Variants in TMPRSS11A observed in about 807,000 individuals in gnomAD.
TMPRSS11A encodes the protein transmembrane serine protease 11A.
TMPRSS11A carries 53 observed loss-of-function variants against 58.9 expected under a neutral mutation model. The observed-to-expected ratio is 0.90, with a 90% confidence interval of 0.72 to 1.13. TMPRSS11A has a LOEUF of 1.13. Among genes scored for constraint, TMPRSS11A ranks in the 50% most tolerant of loss-of-function variants. TMPRSS11A has a pLI of 0.00. For synonymous variants in TMPRSS11A, 167 were observed against 169.8 expected (o/e 0.98, Z 0.13); for missense variants, 493 against 499.3 (o/e 0.99, Z 0.12).
At chr4:67,944,709 C>G (rs1284090037) in intron 2 of TMPRSS11A, 72 bp from the exon 3 acceptor site, 1 of 1,271,296 alleles carries the variant, frequency 7.9e-7, no homozygotes, top group African/African-American at 1.5e-5. Context: ...ACAATGGGGC[C>G]AATATAAATC....
intron 1 of TMPRSS11A, among the ~76,000 whole-genome samples, chr4:67,952,539 A>T (rs113406579): frequency 6.6e-6 from 1 of 152,138 alleles, no homozygotes; most frequent in African/African-American, 2.4e-5. Flanking sequence ...TTAAATTCTT[A>T]CATACTTTGA....
At chr4:67,951,533 C>CAT (rs1721161924) in intron 1 of TMPRSS11A, among the ~76,000 whole-genome samples, 1 of 152,050 alleles carries the variant, frequency 6.6e-6, no homozygotes, top group African/African-American at 2.4e-5. Context: ...CCAAGATCAA[C>CAT]CACATGCTTT....
intron 1 of TMPRSS11A, among the ~76,000 whole-genome samples, chr4:67,959,602 C>A (rs1721374776): frequency 1.3e-5 from 2 of 152,178 alleles, no homozygotes; most frequent in South Asian, 4.1e-4. Flanking sequence ...AAATGCTCAA[C>A]CTTACTAATC....
Position 67,914,504 on chromosome 4 carries a change from G to T in TMPRSS11A, c.1095+84C>A, listed in dbSNP as rs147379240. ...TGAGCTGACATGATATCTATGTTTT[G>T]TCCTTATGTAAAGAACATATAATAT... On this transcript the variant is annotated intron_variant, in intron 9 of 9. Coordinates refer to ENST00000508048, the MANE Select transcript of TMPRSS11A (RefSeq NM_001114387.2). 5.2e-4 allele frequency: 663 copies of T among 1,280,032 alleles called. 5 individuals carry two copies. In the African/African-American group the frequency reaches 8.7e-3, roughly 17 times the overall value. 79.3% of individuals were successfully genotyped at this position (1,280,032 alleles called of 1,614,324 possible). A position where few individuals can be genotyped will look rare whatever the true frequency, so the allele number is the denominator to read the frequency against.
rs963816751 is a variant in TMPRSS11A, at chr4:67,923,014, G to A, written c.521-88C>T. On this transcript the variant is annotated intron_variant, in intron 6 of 9. Coordinates refer to ENST00000508048, the MANE Select transcript of TMPRSS11A (RefSeq NM_001114387.2). ...TTCTTACTTGCCTGAAGACATTTTC[G>A]TATACTACTCCTCCTGCCCAGGACA... is the stretch of plus-strand genomic sequence containing the variant. The A allele has an allele frequency of 3.0e-5, 38 of 1,267,078 alleles. No homozygotes were observed. The Admixed American group carries it at 3.6e-4, about 12-fold the overall frequency. 78.5% of individuals were successfully genotyped at this position (1,267,078 alleles called of 1,614,324 possible).
chr4:67,953,024 T>C (rs1026837651), intron 1 of TMPRSS11A, among the ~76,000 whole-genome samples: 2 of 152,182 alleles, frequency 1.3e-5, no homozygotes, highest in Non-Finnish European at 2.9e-5. Flanking sequence ...TTGTTCCACC[T>C]CAGATCATCA....
At chr4:67,928,136 C>G (rs923895612) in intron 5 of TMPRSS11A, among the ~76,000 whole-genome samples, 1 of 152,164 alleles carries the variant, frequency 6.6e-6, no homozygotes, top group African/African-American at 2.4e-5. Flanking sequence ...CCTCCGCCTC[C>G]CGGGTTCAAG....
chr4:67,944,551 G>T lies in TMPRSS11A; in HGVS notation c.220C>A (p.Leu74Ile). 6.2e-7 allele frequency: 1 copy of T among 1,613,036 alleles called. No homozygotes were observed. Among genetic ancestry groups the T allele is most frequent in the Non-Finnish European group, 8.5e-7 (1 of 1,179,266 alleles). The change falls in exon 3 of 10, where the codon CTT becomes ATT. Residue 74 changes from leucine (L) to isoleucine (I), a missense_variant. Leu to Ile is a conservative substitution (Grantham distance 5). Coordinates refer to ENST00000508048, the MANE Select transcript of TMPRSS11A (RefSeq NM_001114387.2). ...TCGGTCGTCTCTCGTAAGTCCTTAAGTTGATATGTGTTGCTTTGTCCGAAA... is the reference window on the plus strand; with the variant it reads ...TCGGTCGTCTCTCGTAAGTCCTTAATTTGATATGTGTTGCTTTGTCCGAAA... ...NNFGQSNTYQ[L>I]KDLRETTENL... is the part of the protein sequence containing the mutation.
Position 67,919,172 on chromosome 4 carries a change from C to T in TMPRSS11A, c.753G>A (p.Met251Ile). The T allele has an allele frequency of 1.9e-6, 3 of 1,614,108 alleles. No individual in the cohort carries two copies. The highest frequency in any genetic ancestry group is 2.5e-6 in the Non-Finnish European group (3 of 1,179,996). ...SFGTKINPPL[M>I]KRNVRRFIIH... is the part of the protein sequence containing the mutation. ...TAATAAATCTTCTGACATTTCTTTTCATTAAGGGAGGGTTGATTTTTGTTC... is the reference window on the plus strand; with the variant it reads ...TAATAAATCTTCTGACATTTCTTTTTATTAAGGGAGGGTTGATTTTTGTTC... The change falls in exon 8 of 10, where the codon ATG (methionine) becomes ATA (isoleucine). Residue 251 changes from methionine to isoleucine, a missense_variant. Physicochemically the swap from Met to Ile is conservative, Grantham distance 10. Coordinates refer to ENST00000508048, the MANE Select transcript of TMPRSS11A (RefSeq NM_001114387.2).
chr4:67,927,650 A>T (rs937788029), intron 5 of TMPRSS11A, among the ~76,000 whole-genome samples: 4 of 152,348 alleles, frequency 2.6e-5, no homozygotes, highest in Admixed American at 1.3e-4. Context: ...AAACTTGGGC[A>T]AAGGCACCAA....
intron 6 of TMPRSS11A, 121 bp from the exon 7 acceptor site, chr4:67,923,047 C>T: frequency 2.4e-6 from 2 of 823,096 alleles, no homozygotes; most frequent in South Asian, 1.7e-5. Flanking sequence ...ACACTTACCC[C>T]ACCTGTCACT....
At chr4:67,917,045 C>T (rs1298037075) in intron 8 of TMPRSS11A, among the ~76,000 whole-genome samples, 1 of 152,024 alleles carries the variant, frequency 6.6e-6, no homozygotes, top group East Asian at 1.9e-4. Flanking sequence ...TGCTTAATGA[C>T]ATTTCTAGCA....
intron 5 of TMPRSS11A, among the ~76,000 whole-genome samples, chr4:67,926,677 AG>A (rs990105634): frequency 2.0e-5 from 3 of 152,324 alleles, no homozygotes; most frequent in Non-Finnish European, 4.4e-5. Flanking sequence ...CGTGGGGAGA[AG>A]GTGGACAGTC....
intron 3 of TMPRSS11A, among the ~76,000 whole-genome samples, chr4:67,934,975 C>CCA (rs1387791666): frequency 6.6e-6 from 1 of 152,022 alleles, no homozygotes; most frequent in Non-Finnish European, 1.5e-5. Context: ...CAACGTAACA[C>CCA]CAGGTGAGCT....
intron 1 of TMPRSS11A, among the ~76,000 whole-genome samples, chr4:67,947,780 C>T (rs1721061649): frequency 6.6e-6 from 1 of 152,182 alleles, no homozygotes. Context: ...CAGATAGCTT[C>T]TCAATGGGCT....
At chr4:67,938,979 A>G (rs9995806) in intron 3 of TMPRSS11A, among the ~76,000 whole-genome samples, 2,516 of 152,150 alleles carry the variant, frequency 0.017, 65 homozygotes, top group African/African-American at 0.058. Flanking sequence ...TAGGAATAGC[A>G]TTGAATCTGT....
intron 5 of TMPRSS11A, among the ~76,000 whole-genome samples, chr4:67,927,580 C>T (rs966264882): frequency 2.0e-5 from 3 of 152,182 alleles, no homozygotes; most frequent in Non-Finnish European, 2.9e-5. Context: ...AGGCTGGTAG[C>T]GGAAGGTGGG....
At chr4:67,934,473 G>T (rs990723923) in intron 3 of TMPRSS11A, among the ~76,000 whole-genome samples, 1 of 152,098 alleles carries the variant, frequency 6.6e-6, no homozygotes, top group South Asian at 2.1e-4. Flanking sequence ...AAAGTTGTGT[G>T]CCAGGTTGTT....
intron 1 of TMPRSS11A, among the ~76,000 whole-genome samples, chr4:67,954,558 G>A (rs1420530800): frequency 2.0e-5 from 3 of 152,200 alleles, no homozygotes; most frequent in Non-Finnish European, 4.4e-5. Flanking sequence ...CTCTCACCTT[G>A]AGATATTAGC....
Sources: allele counts gnomAD v4.1 joint callset (sites outside exome capture counted in the v4.1 genomes callset), GRCh38; gene constraint gnomAD v4.1.1; transcripts MANE v1.5; gene names NCBI Gene and HGNC (gene_info 2026-07-23, HGNC 2026-07-21).